UVSSA: variants seen among roughly 807,000 people sequenced by gnomAD.
The protein encoded by UVSSA is UV-stimulated scaffold protein A.
In UVSSA, 72 loss-of-function variants were observed where a neutral mutation model predicts 73.9. That is an observed-to-expected ratio of 0.97 (90% CI 0.81 to 1.19). The LOEUF is 1.19. Among genes scored for constraint, UVSSA ranks in the 50% most tolerant of loss-of-function variants. The probability of loss-of-function intolerance (pLI) is 0.00; values close to 1 mark genes in which losing one functional copy is unlikely to be tolerated. For synonymous variants in UVSSA, 454 were observed against 391.3 expected (o/e 1.16, Z -1.89); for missense variants, 1,150 against 965.0 (o/e 1.19, Z -2.54).
intron 3 of UVSSA, 77 bp downstream of exon 3, chr4:1,349,931 C>G (rs146386291): frequency 3.1e-5 from 42 of 1,336,194 alleles, no homozygotes; most frequent in Non-Finnish European, 4.0e-5. Flanking sequence ...GGTGAAGATG[C>G]GCCTCCTGTT....
At chr4:1,373,703 C>A (rs1156594661) in intron 8 of UVSSA, among the ~76,000 whole-genome samples, 1 of 152,184 alleles carries the variant, frequency 6.6e-6, no homozygotes, top group African/African-American at 2.4e-5. Context: ...AATTATGTCT[C>A]TCCTCCTGGG....
chr4:1,360,456 G>A (rs1444751173), intron 7 of UVSSA, among the ~76,000 whole-genome samples: 2 of 152,206 alleles, frequency 1.3e-5, no homozygotes, highest in Non-Finnish European at 2.9e-5. Context: ...CCATTTTACA[G>A]ACAGGGAAGC....
At position 1,387,462 on chromosome 4, in the gene UVSSA, G is replaced by A. The variant is rs1720220398; in HGVS notation, c.*1501G>A. ...CAAAAGTTAATTTTGATGAAGTACA[G>A]CAATTTATCTGTTTTTTTCTTTTGT... On this transcript the variant is annotated 3_prime_UTR_variant, in exon 14 of 14. Coordinates refer to ENST00000389851, the MANE Select transcript of UVSSA (RefSeq NM_020894.4). The A allele has an allele frequency of 6.6e-6, 1 of 152,224 alleles. No individual in the cohort carries two copies. The highest frequency in any genetic ancestry group is 1.5e-5 in the Non-Finnish European group (1 of 68,034). The allele number at this position is 152,224 out of a possible 1,614,324, so 9.4% of individuals were successfully genotyped here.
chr4:1,355,538 T>TC (rs1349836385), intron 7 of UVSSA, among the ~76,000 whole-genome samples: 9 of 151,948 alleles, frequency 5.9e-5, no homozygotes, highest in Admixed American at 1.3e-4. Context: ...AGTCAGGCTG[T>TC]CCCCCCCGTG....
intron 7 of UVSSA, among the ~76,000 whole-genome samples, chr4:1,357,205 C>G (rs1237382344): frequency 6.8e-6 from 1 of 147,646 alleles, no homozygotes; most frequent in Non-Finnish European, 1.5e-5. Flanking sequence ...ATGGTCTGGT[C>G]TCATCAGGCC....
chr4:1,375,229 A>G, intron 8 of UVSSA, 135 bp from the exon 9 acceptor site: 1 of 1,417,996 alleles, frequency 7.1e-7, no homozygotes, highest in Non-Finnish European at 9.6e-7. Context: ...AGGAGCAGAT[A>G]GCAGGCACCC....
At chr4:1,366,684 C>T (rs980105910) in intron 8 of UVSSA, among the ~76,000 whole-genome samples, 13 of 152,230 alleles carry the variant, frequency 8.5e-5, no homozygotes, top group South Asian at 4.1e-4. Flanking sequence ...GCCTGCCCCG[C>T]GGTGGGCTTC....
In UVSSA at chr4:1,360,179, G is replaced by A. The variant is rs1378042002; in HGVS notation, c.1176+4934G>A. Among the ~76,000 whole-genome samples, 4 of 152,336 alleles carry A rather than the reference G, an allele frequency of 2.6e-5. No individual in the cohort carries two copies. In the East Asian group the frequency reaches 5.8e-4, roughly 22 times the overall value. ...CCACCGCATCCCAAGGGCTGCCCAC[G>A]GGGGGCGGGGTGCAGATACACAGGT... On this transcript the variant is annotated intron_variant, in intron 7 of 13. Transcript: ENST00000389851.
intron 6 of UVSSA, 115 bp from the exon 7 acceptor site, chr4:1,355,002 C>T (rs1715474881): frequency 1.3e-6 from 2 of 1,536,440 alleles, no homozygotes; most frequent in Non-Finnish European, 1.8e-6. Flanking sequence ...TCCTCTGCAT[C>T]CCAGGTGTGC....
intron 7 of UVSSA, 91 bp from the exon 8 acceptor site, chr4:1,366,229 A>G (rs1386218345): frequency 2.9e-6 from 3 of 1,034,046 alleles, no homozygotes; most frequent in African/African-American, 3.2e-5. Flanking sequence ...AAGCTCCACA[A>G]GAAATAGGAA....
chr4:1,366,364 C>T lies in UVSSA; in HGVS notation c.1221C>T (p.Asp407=). ...CGGAGGAAGATGAGGACGATGAGGA[C>T]TTTGTGGAGGTCCCTGAGAAGGAGG... is the stretch of plus-strand genomic sequence containing the variant. ...GDAEEDEDDE[D]FVEVPEKEGY... Residue 407 remains aspartate, a synonymous_variant, in exon 8 of 14, where the codon GAC becomes GAT. Transcript: ENST00000389851. 1.9e-6 allele frequency: 3 copies of T among 1,613,316 alleles called. No individual in the cohort carries two copies. Among genetic ancestry groups the T allele is most frequent in the Non-Finnish European group, 2.5e-6 (3 of 1,179,632 alleles).
chr4:1,380,697 A>G (rs775102800), intron 11 of UVSSA, 183 bp from the exon 12 acceptor site: 1 of 1,542,044 alleles, frequency 6.5e-7, no homozygotes, highest in South Asian at 1.2e-5. Flanking sequence ...AGCCATCCCC[A>G]CGTCCCTGTG....
upstream of UVSSA, among the ~76,000 whole-genome samples, chr4:1,344,584 C>CA (rs1713547250): frequency 6.6e-6 from 1 of 152,190 alleles, no homozygotes. Flanking sequence ...GTCTAACTCT[C>CA]ATCATGATTT....
exon 14 of UVSSA, chr4:1,395,598 C>G (rs1299425577): frequency 1.2e-6 from 2 of 1,602,806 alleles, no homozygotes; most frequent in South Asian, 2.2e-5. Context: ...GGAGTGCCCG[C>G]CTGCTCACAC....
upstream of UVSSA, among the ~76,000 whole-genome samples, chr4:1,347,076 G>T (rs928075458): frequency 1.3e-5 from 2 of 152,140 alleles, no homozygotes; most frequent in African/African-American, 2.4e-5. Context: ...GAAAGGCCGC[G>T]TCGAGCGGTA....
intron 12 of UVSSA, among the ~76,000 whole-genome samples, chr4:1,382,256 T>C (rs1719594781): frequency 6.6e-6 from 1 of 152,232 alleles, no homozygotes; most frequent in South Asian, 2.1e-4. Flanking sequence ...ATTTTTTGTG[T>C]CAACCCTGAA....
At chr4:1,351,281 G>T (rs935417723) in intron 3 of UVSSA, among the ~76,000 whole-genome samples, 3 of 151,942 alleles carry the variant, frequency 2.0e-5, no homozygotes, top group Admixed American at 1.3e-4. Flanking sequence ...AGCCAGGATG[G>T]TCTCAATCTC....
chr4:1,375,464 G>T lies in UVSSA; in HGVS notation c.1389G>T (p.Gln463His), dbSNP rs1178314618. The change falls in exon 9 of 14, where the codon CAG becomes CAT. Residue 463 changes from glutamine (Q) to histidine (H), a missense_variant. Physicochemically the swap from Gln to His is conservative, Grantham distance 24. Transcript: ENST00000389851. ...EVSDPTSAAA[Q>H]LRQLRDHLPP... is the part of the protein sequence containing the mutation. ...CGGACCCCACCTCTGCGGCTGCTCA[G>T]CTGCGGCAGCTCCGGGACCACTTGC... 5.6e-6 allele frequency: 9 copies of T among 1,612,528 alleles called. No homozygotes were observed. Among genetic ancestry groups the T allele is most frequent in the Non-Finnish European group, 7.6e-6 (9 of 1,179,984 alleles).
Position 1,386,188 on chromosome 4 carries a change from G to C in UVSSA, c.*227G>C, listed in dbSNP as rs1720099361. Reference sequence around the variant, plus strand: ...CTCGCAGAAGAGGCCCTCGGGCCTGGAGATGTGAACACAGGCAGCGACCCT... The same window carrying C: ...CTCGCAGAAGAGGCCCTCGGGCCTGCAGATGTGAACACAGGCAGCGACCCT... On this transcript the variant is annotated 3_prime_UTR_variant, in exon 14 of 14. Transcript: ENST00000389851. 1 of 529,724 alleles carries C rather than the reference G, an allele frequency of 1.9e-6. No individual in the cohort carries two copies. Among genetic ancestry groups the C allele is most frequent in the Admixed American group, 3.1e-5 (1 of 32,034 alleles). 32.8% of individuals were successfully genotyped at this position (529,724 alleles called of 1,614,324 possible).
Sources: allele counts gnomAD v4.1 joint callset (sites outside exome capture counted in the v4.1 genomes callset), GRCh38; gene constraint gnomAD v4.1.1; transcripts MANE v1.5; gene names NCBI Gene and HGNC (gene_info 2026-07-23, HGNC 2026-07-21).